CCDC146: variants seen among roughly 807,000 people sequenced by gnomAD.
CCDC146 encodes coiled-coil domain containing 146, also known as coiled-coil domain-containing protein 146.
Under a neutral mutation model 119.3 loss-of-function variants are expected in CCDC146, and 92 were observed. The ratio of observed to expected loss-of-function variants is 0.77; its 90% CI spans 0.65 to 0.92. The LOEUF (loss-of-function observed/expected upper bound fraction) is 0.92. Ranked by LOEUF, CCDC146 falls within the 40% of genes least tolerant of loss-of-function variation. CCDC146 has a pLI of 0.00. For missense variants in CCDC146, 1,000 were observed against 1,103.0 expected (o/e 0.91, Z 1.32); for synonymous variants, 372 against 371.8 (o/e 1.00, Z -0.01).
At chr7:77,207,266 T>C (rs1446934942) in intron 2 of CCDC146, among the ~76,000 whole-genome samples, 1 of 152,220 alleles carries the variant, frequency 6.6e-6, no homozygotes, top group African/African-American at 2.4e-5. Context: ...ACTTCTAGTT[T>C]GATATTTTGT....
intron 2 of CCDC146, chr7:77,194,539 G>C (rs1791829491): frequency 6.6e-6 from 1 of 151,910 alleles, no homozygotes; most frequent in African/African-American, 2.4e-5. Flanking sequence ...ATATTTTAAA[G>C]GAATATCTTA....
Position 77,217,083 on chromosome 7 carries a change from T to A in CCDC146, c.157-19864T>A, listed in dbSNP as rs182188700. ...ATTAGTGAACAAAGGATCAGATTCA[T>A]GTTTATATGATCTTTTCATTAAATT... On this transcript the variant is annotated intron_variant, in intron 2 of 18. Transcript: ENST00000285871. 8.5e-4 allele frequency among the ~76,000 whole-genome samples: 130 copies of A among 152,280 alleles called. 1 individual carries two copies. In the Middle Eastern group the frequency reaches 0.01, roughly 12 times the overall value.
intron 15 of CCDC146, among the ~76,000 whole-genome samples, chr7:77,283,888 A>AGTTT (rs1272792082): frequency 6.6e-6 from 1 of 152,056 alleles, no homozygotes; most frequent in Admixed American, 6.6e-5. Context: ...TCTGATTCCA[A>AGTTT]GTTTGTTTGT....
At position 77,259,020 on chromosome 7, in the gene CCDC146, T is replaced by A; in HGVS notation, c.710T>A (p.Ile237Asn). The part of the protein sequence containing the change: ...LKDEVAHHQT[I>N]PVQIGKEIEK... ...GATGAAGTGGCCCACCATCAAACCATTCCAGTACAAATTGGAAAAGAGATA... is the reference window on the plus strand; with the variant it reads ...GATGAAGTGGCCCACCATCAAACCAATCCAGTACAAATTGGAAAAGAGATA... The change falls in exon 7 of 19, where the codon ATT becomes AAT. Residue 237 changes from isoleucine (I) to asparagine (N), a missense_variant. Coordinates refer to ENST00000285871, the MANE Select transcript of CCDC146 (RefSeq NM_020879.3). 5.0e-6 allele frequency: 8 copies of A among 1,612,734 alleles called. No homozygotes were observed. Among genetic ancestry groups the A allele is most frequent in the South Asian group, 4.4e-5 (4 of 90,904 alleles).
chr7:77,130,886 C>T (rs1215978550), intron 1 of CCDC146, among the ~76,000 whole-genome samples: 3 of 148,728 alleles, frequency 2.0e-5, no homozygotes, highest in East Asian at 2.0e-4. Flanking sequence ...CGTGAGCCAC[C>T]GCGCCCGGCC....
intron 1 of CCDC146, among the ~76,000 whole-genome samples, chr7:77,145,500 T>C (rs1791002262): frequency 6.6e-6 from 1 of 151,860 alleles, no homozygotes; most frequent in Admixed American, 6.5e-5. Flanking sequence ...GTTCTTTTAA[T>C]TGTGATGTTA....
intron 17 of CCDC146, among the ~76,000 whole-genome samples, chr7:77,289,392 C>T (rs1793904178): frequency 6.6e-6 from 1 of 152,188 alleles, no homozygotes; most frequent in African/African-American, 2.4e-5. Flanking sequence ...CTTTCCCTAC[C>T]TTCCATGCTC....
At chr7:77,206,720 A>G (rs1176405684) in intron 2 of CCDC146, among the ~76,000 whole-genome samples, 4 of 150,984 alleles carry the variant, frequency 2.6e-5, no homozygotes, top group African/African-American at 9.7e-5. Context: ...TTTATATAAT[A>G]TATAACCTAT....
intron 2 of CCDC146, among the ~76,000 whole-genome samples, chr7:77,183,355 G>A (rs1472738707): frequency 6.6e-6 from 1 of 152,008 alleles, no homozygotes; most frequent in Non-Finnish European, 1.5e-5. Flanking sequence ...ACAGAACTGA[G>A]CAATTAATAG....
chr7:77,234,722 G>A (rs1792701074), intron 2 of CCDC146, among the ~76,000 whole-genome samples: 1 of 152,034 alleles, frequency 6.6e-6, no homozygotes, highest in African/African-American at 2.4e-5. Flanking sequence ...GCAACAGAGC[G>A]ACAATCCATC....
intron 2 of CCDC146, among the ~76,000 whole-genome samples, chr7:77,231,634 T>C (rs1420719483): frequency 6.6e-6 from 1 of 152,096 alleles, no homozygotes; most frequent in Non-Finnish European, 1.5e-5. Flanking sequence ...GGAATTTCAG[T>C]GTAGCTCCTT....
chr7:77,144,649 GCT>G (rs1422058967), intron 1 of CCDC146, among the ~76,000 whole-genome samples: 1 of 151,696 alleles, frequency 6.6e-6, no homozygotes. Flanking sequence ...TTTGTCAAAG[GCT>G]TTTTCTGCAT....
At chr7:77,126,708 T>C (rs1384939693) in intron 1 of CCDC146, among the ~76,000 whole-genome samples, 1 of 152,076 alleles carries the variant, frequency 6.6e-6, no homozygotes, top group African/African-American at 2.4e-5. Context: ...GTGTAGTCTG[T>C]CTATCCTCTT....
At chr7:77,288,507 C>T (rs1207813127) in intron 17 of CCDC146, among the ~76,000 whole-genome samples, 1 of 152,234 alleles carries the variant, frequency 6.6e-6, no homozygotes, top group Admixed American at 6.5e-5. Context: ...GGACTCACTC[C>T]TTCCTCAGTC....
chr7:77,276,940 TGG>T (rs1367971755), intron 11 of CCDC146, among the ~76,000 whole-genome samples: 5 of 152,096 alleles, frequency 3.3e-5, no homozygotes, highest in African/African-American at 1.2e-4. Flanking sequence ...GGCGTGGTGG[TGG>T]GCACCTGTAA....
intron 2 of CCDC146, among the ~76,000 whole-genome samples, chr7:77,209,468 G>A (rs1459621755): frequency 6.6e-6 from 1 of 152,204 alleles, no homozygotes; most frequent in Non-Finnish European, 1.5e-5. Context: ...CTGCTTTCAT[G>A]GGCTGGCATT....
chr7:77,136,524 G>A (rs763396848), intron 1 of CCDC146, among the ~76,000 whole-genome samples: 91 of 152,176 alleles, frequency 6.0e-4, no homozygotes, highest in Admixed American at 1.4e-3. Flanking sequence ...TGATAACTTA[G>A]AAAAAATGGA....
chr7:77,221,444 C>T (rs1792401650), intron 2 of CCDC146, among the ~76,000 whole-genome samples: 2 of 152,198 alleles, frequency 1.3e-5, no homozygotes, highest in Non-Finnish European at 2.9e-5. Flanking sequence ...CAGGCATGCA[C>T]ATATACACAC....
intron 2 of CCDC146, among the ~76,000 whole-genome samples, chr7:77,202,482 A>G (rs895146982): frequency 5.9e-5 from 9 of 152,198 alleles, no homozygotes; most frequent in Non-Finnish European, 8.8e-5. Flanking sequence ...AGTTTCCCCT[A>G]AAAAGCTTGG....
Sources: gnomAD v4.1 joint callset for allele counts (sites outside exome capture counted in the v4.1 genomes callset) on GRCh38, gnomAD v4.1.1 for gene constraint, MANE v1.5 for transcripts, NCBI Gene and HGNC (gene_info 2026-07-23, HGNC 2026-07-21) for gene names.